Variants in RPS6KC1 observed in about 807,000 individuals in gnomAD.
RPS6KC1 encodes inactive ribosomal protein S6 kinase delta-1.
Under a neutral mutation model 103.8 loss-of-function variants are expected in RPS6KC1, and 54 were observed. The ratio of observed to expected loss-of-function variants is 0.52; its 90% CI spans 0.42 to 0.65. RPS6KC1 has a LOEUF of 0.65. Among genes scored for constraint, RPS6KC1 ranks in the 30% least tolerant of loss-of-function variants. RPS6KC1 has a pLI of 0.00. For synonymous variants in RPS6KC1, 439 were observed against 438.7 expected, an observed-to-expected ratio of 1.00 and a Z score of -0.01; for missense variants, 1,151 against 1,253.8, an observed-to-expected ratio of 0.92 and a Z score of 1.24.
At chr1:213,204,235 T>C (rs1216672411) in intron 8 of RPS6KC1, among the ~76,000 whole-genome samples, 1 of 152,236 alleles carries the variant, frequency 6.6e-6, no homozygotes, top group Non-Finnish European at 1.5e-5. Context: ...ATGTGTTGAA[T>C]TGACTTTTGT....
the RPS6KC1 span, among the ~76,000 whole-genome samples, chr1:213,366,112 C>T: frequency 6.6e-6 from 1 of 152,198 alleles, no homozygotes; most frequent in African/African-American, 2.4e-5. Context: ...AGGGTCTCTC[C>T]CTGCTTGTCC....
At chr1:213,711,447 G>C in the RPS6KC1 span, among the ~76,000 whole-genome samples, 350 of 152,110 alleles carry the variant, frequency 2.3e-3, no homozygotes, top group African/African-American at 8.0e-3. Flanking sequence ...CTTGCATTGG[G>C]TTAAAACATG....
intron 6 of RPS6KC1, among the ~76,000 whole-genome samples, chr1:213,162,724 A>G (rs2090602804): frequency 6.6e-6 from 1 of 152,266 alleles, no homozygotes; most frequent in African/African-American, 2.4e-5. Flanking sequence ...ACTCTATGAT[A>G]TAATGATGTA....
intron 12 of RPS6KC1, among the ~76,000 whole-genome samples, chr1:213,247,091 T>C (rs930014419): frequency 2.6e-5 from 4 of 152,224 alleles, no homozygotes; most frequent in Admixed American, 2.6e-4. Context: ...TTTTAAATGC[T>C]TGAAATTTAC....
chr1:213,222,134 T>C (rs1246862301), intron 8 of RPS6KC1, among the ~76,000 whole-genome samples: 3 of 152,232 alleles, frequency 2.0e-5, no homozygotes, highest in African/African-American at 7.2e-5. Context: ...CTTTTGGAGT[T>C]ACTGAGCAGT....
chr1:213,120,473 A>G (rs550869024), intron 5 of RPS6KC1, among the ~76,000 whole-genome samples: 2 of 152,284 alleles, frequency 1.3e-5, no homozygotes, highest in East Asian at 1.9e-4. Flanking sequence ...ACTTCATACC[A>G]AAAGGTCTGC....
chr1:213,167,539 G>A (rs1235604127), intron 6 of RPS6KC1, among the ~76,000 whole-genome samples: 1 of 150,134 alleles, frequency 6.7e-6, no homozygotes, highest in Non-Finnish European at 1.5e-5. Context: ...GTTGTATAAT[G>A]TCTGGACTAG....
chr1:213,458,939 A>C, the RPS6KC1 span, among the ~76,000 whole-genome samples: 1 of 152,206 alleles, frequency 6.6e-6, no homozygotes, highest in African/African-American at 2.4e-5. Context: ...ACATCCTTGC[A>C]TCCCAGGGAT....
chr1:213,100,239 T>C (rs2081894091), intron 3 of RPS6KC1, among the ~76,000 whole-genome samples: 1 of 151,986 alleles, frequency 6.6e-6, no homozygotes, highest in Admixed American at 6.5e-5. Flanking sequence ...TTCACATGCT[T>C]ATTAGCCACT....
chr1:213,639,152 T>C, the RPS6KC1 span, among the ~76,000 whole-genome samples: 2 of 152,132 alleles, frequency 1.3e-5, no homozygotes, highest in Non-Finnish European at 2.9e-5. Context: ...TTGTATGTTG[T>C]TACTATATAG....
chr1:213,441,249 G>A, the RPS6KC1 span, among the ~76,000 whole-genome samples: 2 of 152,054 alleles, frequency 1.3e-5, no homozygotes, highest in African/African-American at 4.8e-5. Flanking sequence ...ATATCCTTGG[G>A]GTTCCTCAAC....
the RPS6KC1 span, among the ~76,000 whole-genome samples, chr1:213,478,357 C>A: frequency 2.6e-5 from 4 of 152,046 alleles, no homozygotes; most frequent in Non-Finnish European, 5.9e-5. Context: ...AATTTTTTAA[C>A]TCATTTGGAT....
chr1:213,428,522 T>TTCTC, the RPS6KC1 span, among the ~76,000 whole-genome samples: 5,410 of 45,300 alleles, frequency 0.12, 743 homozygotes, highest in Non-Finnish European at 0.17. Context: ...TCCTTCCTCT[T>TTCTC]TCTCTCTCTC....
the RPS6KC1 span, among the ~76,000 whole-genome samples, chr1:213,721,690 A>G: frequency 6.6e-6 from 1 of 152,182 alleles, no homozygotes; most frequent in Non-Finnish European, 1.5e-5. Flanking sequence ...AGCTCAGGGC[A>G]TCTTAAAATC....
At chr1:213,622,853 C>T in the RPS6KC1 span, among the ~76,000 whole-genome samples, 4 of 152,120 alleles carry the variant, frequency 2.6e-5, no homozygotes, top group African/African-American at 7.2e-5. Flanking sequence ...ACCACTAGGG[C>T]CTCCCTTATT....
At chr1:213,786,155 T>C in the RPS6KC1 span, among the ~76,000 whole-genome samples, 1 of 152,064 alleles carries the variant, frequency 6.6e-6, no homozygotes, top group African/African-American at 2.4e-5. Flanking sequence ...AATGATGGAA[T>C]AGGAGAGTGG....
At chr1:213,602,034 C>CCTT in the RPS6KC1 span, among the ~76,000 whole-genome samples, 4 of 11,502 alleles carry the variant, frequency 3.5e-4, no homozygotes, top group East Asian at 0.017. Flanking sequence ...CTTTCTCTTT[C>CCTT]TCTTTCTTTC....
At chr1:213,499,402 T>C in the RPS6KC1 span, among the ~76,000 whole-genome samples, 1 of 152,182 alleles carries the variant, frequency 6.6e-6, no homozygotes, top group Non-Finnish European at 1.5e-5. Flanking sequence ...GTAGACAATT[T>C]TTCCGTAGTA....
the RPS6KC1 span, among the ~76,000 whole-genome samples, chr1:213,588,465 A>AT: frequency 3.3e-5 from 5 of 151,602 alleles, no homozygotes; most frequent in Non-Finnish European, 7.4e-5. Flanking sequence ...CACCCAGCTA[A>AT]TTTTTTTGTA....
Sources: gnomAD v4.1 joint callset for allele counts (sites outside exome capture counted in the v4.1 genomes callset) on GRCh38, gnomAD v4.1.1 for gene constraint, MANE v1.5 for transcripts, NCBI Gene and HGNC (gene_info 2026-07-23, HGNC 2026-07-21) for gene names.